DNAI7: variants seen among roughly 807,000 people sequenced by gnomAD.
DNAI7 encodes dynein axonemal intermediate chain 7, also known as cancer susceptibility 1.
Under a neutral mutation model 86.6 loss-of-function variants are expected in DNAI7, and 78 were observed. The observed-to-expected ratio is 0.90, with a 90% CI of 0.75 to 1.09. DNAI7 has a LOEUF of 1.09. DNAI7 is among the 50% of genes least tolerant of loss of function. The probability of loss-of-function intolerance (pLI) is 0.00; values close to 1 mark genes in which losing one functional copy is unlikely to be tolerated. For synonymous variants in DNAI7, 274 were observed against 273.0 expected (o/e 1.00, Z -0.04); for missense variants, 753 against 810.2 (o/e 0.93, Z 0.86).
intron 3 of DNAI7, among the ~76,000 whole-genome samples, chr12:25,159,391 T>C (rs1946582195): frequency 6.7e-6 from 1 of 148,780 alleles, no homozygotes; most frequent in African/African-American, 2.5e-5. Context: ...GCTGAATGTG[T>C]CAAAATAAAG....
rs540244369 is a variant in DNAI7, at chr12:25,190,518, C to G, written c.21+96G>C. ...AAGTAAGCTTAGTAAACTCTACAAACTAAAACTATAAAAATATTTTATAAT... is the reference window on the plus strand; with the variant it reads ...AAGTAAGCTTAGTAAACTCTACAAAGTAAAACTATAAAAATATTTTATAAT... On this transcript the variant is annotated intron_variant, in intron 2 of 15. Coordinates refer to ENST00000395987, the MANE Select transcript of DNAI7 (RefSeq NM_018272.5). 1.7e-4 allele frequency: 87 copies of G among 513,606 alleles called. No homozygotes were observed. In the South Asian group the frequency reaches 3.7e-3, roughly 22 times the overall value. The allele number at this position is 513,606 out of a possible 1,614,324, so 31.8% of individuals were successfully genotyped here. A position where few individuals can be genotyped will look rare whatever the true frequency, so the allele number is the denominator to read the frequency against.
chr12:25,139,994 T>C (rs185034225), intron 9 of DNAI7, among the ~76,000 whole-genome samples: 105 of 152,248 alleles, frequency 6.9e-4, no homozygotes, highest in African/African-American at 2.4e-3. Flanking sequence ...AAATCCAGCA[T>C]CTCTTTATGA....
chr12:25,115,196 C>T (rs185308442), intron 12 of DNAI7, among the ~76,000 whole-genome samples: 1 of 152,346 alleles, frequency 6.6e-6, no homozygotes, highest in Non-Finnish European at 1.5e-5. Flanking sequence ...CTCTGGGCCT[C>T]AGCACATACA....
Position 25,108,737 on chromosome 12 carries a change from C to T in DNAI7, c.1980G>A (p.Lys660=), listed in dbSNP as rs191857939. 88 of 1,588,734 alleles carry T rather than the reference C, an allele frequency of 5.5e-5. No homozygotes were observed. The East Asian group carries it at 2.0e-3, about 36-fold the overall frequency. The change falls in exon 16 of 16, where the codon AAG becomes AAA. Residue 660 remains lysine, a synonymous_variant. Transcript: ENST00000395987. ...AAAATGCCTCACTCTCTTCCTTGATCTTCAGTCTTTGTGCTCTGTCACCAC... is the reference window on the plus strand; with the variant it reads ...AAAATGCCTCACTCTCTTCCTTGATTTTCAGTCTTTGTGCTCTGTCACCAC... The part of the protein sequence containing the change: ...MFSGDRAQRL[K]IKEESEAFSE...
At chr12:25,116,912 G>C (rs772566568) in intron 12 of DNAI7, among the ~76,000 whole-genome samples, 13 of 152,168 alleles carry the variant, frequency 8.5e-5, no homozygotes, top group Non-Finnish European at 1.6e-4. Flanking sequence ...AGTTTAATAT[G>C]TAAGAATTTA....
chr12:25,173,934 AATCATATATATGGAATACATAT>A (rs1240952562), intron 2 of DNAI7, among the ~76,000 whole-genome samples: 2,746 of 143,118 alleles, frequency 0.019, 44 homozygotes, highest in Non-Finnish European at 0.028. Context: ...TATCATATAT[AATCATATATATGGAATACATAT>A]ATCATATATA....
chr12:25,166,262 G>A (rs375544897), intron 2 of DNAI7, among the ~76,000 whole-genome samples: 1 of 152,116 alleles, frequency 6.6e-6, no homozygotes, highest in Non-Finnish European at 1.5e-5. Context: ...AACCAGACAA[G>A]GTTTACAGGT....
intron 2 of DNAI7, among the ~76,000 whole-genome samples, chr12:25,182,605 T>TACACACACACACACACACACACACAC (rs71065917): frequency 3.0e-5 from 4 of 132,210 alleles, no homozygotes; most frequent in East Asian, 2.2e-4. Flanking sequence ...TGAGACTGTC[T>TACACACACACACACACACACACACAC]ACACACACAC....
chr12:25,118,375 T>C (rs1308222816), intron 12 of DNAI7, among the ~76,000 whole-genome samples: 4 of 152,158 alleles, frequency 2.6e-5, no homozygotes, highest in Non-Finnish European at 5.9e-5. Context: ...GCTATTCTCC[T>C]GCCTCAGCCT....
chr12:25,110,311 T>C (rs1402798953), intron 14 of DNAI7, 71 bp from the exon 15 acceptor site: 7 of 840,932 alleles, frequency 8.3e-6, no homozygotes, highest in Non-Finnish European at 1.4e-5. Flanking sequence ...TTTGGCCTCC[T>C]TCAGTCTATT....
chr12:25,146,556 C>A, intron 8 of DNAI7, among the ~76,000 whole-genome samples: 1 of 148,376 alleles, frequency 6.7e-6, no homozygotes, highest in Admixed American at 6.9e-5. Flanking sequence ...GCCGAGATCA[C>A]ACCACTGCAC....
In DNAI7 at chr12:25,144,525, G is replaced by C. The variant is rs1420464597; in HGVS notation, c.842C>G (p.Ser281Cys). The change falls in exon 9 of 16, where the codon TCT becomes TGT. Residue 281 changes from serine (S) to cysteine (C), a missense_variant. Transcript: ENST00000395987. Reference sequence around the variant, plus strand: ...ATCTTTGACAAGCTCAGTTACTGCAGAAGTGTATTCTTTTGATGGTGTTGA... The same window carrying C: ...ATCTTTGACAAGCTCAGTTACTGCACAAGTGTATTCTTTTGATGGTGTTGA... ...PVSTPSKEYT[S>C]AVTELVKDDV... The C allele has an allele frequency of 6.2e-7, 1 of 1,614,098 alleles. No individual in the cohort carries two copies. Among genetic ancestry groups the C allele is most frequent in the South Asian group, 1.1e-5 (1 of 91,076 alleles).
intron 9 of DNAI7, among the ~76,000 whole-genome samples, chr12:25,132,154 G>T (rs1022532275): frequency 6.6e-6 from 1 of 152,064 alleles, no homozygotes; most frequent in Non-Finnish European, 1.5e-5. Flanking sequence ...GAAATACATC[G>T]TTTCATTTCC....
Position 25,174,420 on chromosome 12 carries a change from T to TG in DNAI7, c.22-13224_22-13223insC, listed in dbSNP as rs1948593814. ...TCATATATATGGGATATATGGGATA[T>TG]ATATATCATATATATCATATATATG... is the stretch of plus-strand genomic sequence containing the variant. On this transcript the variant is annotated intron_variant, in intron 2 of 15. Transcript: ENST00000395987. 2.3e-4 allele frequency among the ~76,000 whole-genome samples: 8 copies of TG among 35,466 alleles called. 3 individuals carry two copies. The highest frequency in any genetic ancestry group is 7.8e-4 in the African/African-American group (8 of 10,256). The allele number at this position is 35,466 out of a possible 152,430, so 23.3% of individuals were successfully genotyped here.
chr12:25,148,287 A>G (rs980390501), intron 7 of DNAI7, among the ~76,000 whole-genome samples: 7 of 152,182 alleles, frequency 4.6e-5, no homozygotes, highest in African/African-American at 1.4e-4. Flanking sequence ...CAGATCCACC[A>G]TCTTCAGCAA....
At chr12:25,138,650 G>A (rs957117550) in intron 9 of DNAI7, among the ~76,000 whole-genome samples, 3 of 152,032 alleles carry the variant, frequency 2.0e-5, no homozygotes, top group African/African-American at 7.2e-5. Context: ...AAAATTCTTT[G>A]AACTGAACAA....
At chr12:25,148,205 T>A (rs752293102) in intron 7 of DNAI7, among the ~76,000 whole-genome samples, 2 of 152,234 alleles carry the variant, frequency 1.3e-5, no homozygotes, top group Non-Finnish European at 2.9e-5. Flanking sequence ...TGTTTCCTCA[T>A]GGCATTGTTT....
intron 2 of DNAI7, among the ~76,000 whole-genome samples, chr12:25,171,293 T>C (rs569595300): frequency 2.0e-5 from 3 of 152,216 alleles, no homozygotes; most frequent in Admixed American, 6.5e-5. Context: ...ATGGGAGATA[T>C]TACAACTGAC....
intron 14 of DNAI7, among the ~76,000 whole-genome samples, 150 bp downstream of exon 14, chr12:25,111,618 ACCCT>A (rs1938834266): frequency 6.6e-6 from 1 of 152,130 alleles, no homozygotes; most frequent in African/African-American, 2.4e-5. Flanking sequence ...AATTAAGAGA[ACCCT>A]GGATTTCTGG....
Sources: gnomAD v4.1 joint callset for allele counts (sites outside exome capture counted in the v4.1 genomes callset) on GRCh38, gnomAD v4.1.1 for gene constraint, MANE v1.5 for transcripts, NCBI Gene and HGNC (gene_info 2026-07-23, HGNC 2026-07-21) for gene names.